MYT1L: variants seen among roughly 807,000 people sequenced by gnomAD.
MYT1L encodes myelin transcription factor 1 like.
A neutral mutation model predicts 126.7 loss-of-function variants in MYT1L; 12 were observed. That is an observed-to-expected ratio of 0.09 (90% confidence interval 0.06 to 0.15). The LOEUF is 0.15. MYT1L is among the 10% of genes least tolerant of loss of function. The probability of loss-of-function intolerance (pLI) is 1.00; values close to 1 mark genes in which losing one functional copy is unlikely to be tolerated. For missense variants in MYT1L, 979 were observed against 1,585.2 expected (o/e 0.62, Z 6.49); for synonymous variants, 541 against 604.2 (o/e 0.90, Z 1.53).
chr2:1,833,178 C>G (rs2040414325), intron 21 of MYT1L, among the ~76,000 whole-genome samples: 1 of 152,198 alleles, frequency 6.6e-6, no homozygotes. Flanking sequence ...GTGCCAGTGG[C>G]ATTGCATCTG....
intron 5 of MYT1L, among the ~76,000 whole-genome samples, chr2:1,984,664 C>T (rs983621573): frequency 6.6e-6 from 1 of 152,100 alleles, no homozygotes; most frequent in South Asian, 2.1e-4. Context: ...CGCCCGCCAC[C>T]ATGCCCGGCT....
At chr2:2,027,705 C>T (rs1415286453) in intron 4 of MYT1L, among the ~76,000 whole-genome samples, 4 of 152,158 alleles carry the variant, frequency 2.6e-5, no homozygotes, top group African/African-American at 9.7e-5. Context: ...GGTTTACATT[C>T]ATTAACTTAG....
intron 2 of MYT1L, among the ~76,000 whole-genome samples, chr2:2,269,677 T>C (rs2095222653): frequency 6.6e-6 from 1 of 152,188 alleles, no homozygotes; most frequent in Non-Finnish European, 1.5e-5. Context: ...CCTGGATTTG[T>C]GCTCCCCGGC....
chr2:1,949,868 A>T (rs1411475396), intron 8 of MYT1L, among the ~76,000 whole-genome samples: 1 of 152,144 alleles, frequency 6.6e-6, no homozygotes, highest in African/African-American at 2.4e-5. Context: ...TCTTTTAGAG[A>T]TGGTATTTTT....
intron 2 of MYT1L, among the ~76,000 whole-genome samples, chr2:2,207,303 T>C (rs1327837064): frequency 6.6e-6 from 1 of 152,148 alleles, no homozygotes; most frequent in African/African-American, 2.4e-5. Flanking sequence ...AAAACACACA[T>C]ATAATGCGCA....
intron 2 of MYT1L, among the ~76,000 whole-genome samples, chr2:2,184,787 A>T (rs1379507826): frequency 1.3e-5 from 2 of 152,124 alleles, no homozygotes; most frequent in Admixed American, 1.3e-4. Flanking sequence ...CTCATCCGTC[A>T]GCTTCAGTTG....
At chr2:2,135,924 C>T (rs2082991590) in intron 3 of MYT1L, among the ~76,000 whole-genome samples, 1 of 152,168 alleles carries the variant, frequency 6.6e-6, no homozygotes, top group Non-Finnish European at 1.5e-5. Context: ...CACATGCACA[C>T]ATATGTTTAC....
At chr2:2,037,688 G>A (rs148049058) in intron 4 of MYT1L, among the ~76,000 whole-genome samples, 3,196 of 151,632 alleles carry the variant, frequency 0.021, 63 homozygotes, top group South Asian at 0.089. Context: ...CCCGGGAGGT[G>A]GAGGTTGCAG....
At chr2:2,055,802 T>C (rs1200167042) in intron 3 of MYT1L, among the ~76,000 whole-genome samples, 1 of 152,264 alleles carries the variant, frequency 6.6e-6, no homozygotes, top group Non-Finnish European at 1.5e-5. Context: ...ATTTACACAA[T>C]GACTTACTCT....
At chr2:2,056,667 A>G (rs2150121850) in intron 3 of MYT1L, among the ~76,000 whole-genome samples, 1 of 152,344 alleles carries the variant, frequency 6.6e-6, no homozygotes, top group African/African-American at 2.4e-5. Context: ...GGCTGCTCAC[A>G]GTTCCCTGTC....
intron 1 of MYT1L, among the ~76,000 whole-genome samples, chr2:2,288,901 C>T (rs892588794): frequency 1.3e-4 from 20 of 152,264 alleles, no homozygotes; most frequent in African/African-American, 4.3e-4. Context: ...TTCTTCAAAT[C>T]GATAGCTTCT....
At chr2:2,232,293 C>G (rs1237469406) in intron 2 of MYT1L, among the ~76,000 whole-genome samples, 2 of 152,206 alleles carry the variant, frequency 1.3e-5, no homozygotes, top group Non-Finnish European at 2.9e-5. Flanking sequence ...TGCCCTCCAG[C>G]CGGGAGGCTT....
At chr2:2,075,699 A>G (rs2075143098) in intron 3 of MYT1L, among the ~76,000 whole-genome samples, 1 of 152,276 alleles carries the variant, frequency 6.6e-6, no homozygotes, top group South Asian at 2.1e-4. Flanking sequence ...ACATTGTTAA[A>G]AATCATGAAA....
chr2:2,119,297 C>T (rs1427123361), intron 3 of MYT1L, among the ~76,000 whole-genome samples: 4 of 152,126 alleles, frequency 2.6e-5, no homozygotes, highest in Admixed American at 1.3e-4. Flanking sequence ...CTTTTACCTA[C>T]ATAAATAGGC....
intron 9 of MYT1L, among the ~76,000 whole-genome samples, chr2:1,938,178 G>A (rs2056228325): frequency 6.6e-6 from 1 of 152,212 alleles, no homozygotes; most frequent in Admixed American, 6.5e-5. Context: ...AAGATGCAAT[G>A]TCTGCTATAA....
At chr2:2,103,021 G>C (rs764059740) in intron 3 of MYT1L, among the ~76,000 whole-genome samples, 2 of 152,074 alleles carry the variant, frequency 1.3e-5, no homozygotes, top group Non-Finnish European at 2.9e-5. Flanking sequence ...TGTATTTAGC[G>C]CTAATTGAGA....
chr2:1,805,687 A>G (rs2035586654), intron 22 of MYT1L, among the ~76,000 whole-genome samples: 1 of 152,194 alleles, frequency 6.6e-6, no homozygotes, highest in Non-Finnish European at 1.5e-5. Context: ...GGAGTTTGAG[A>G]GCAGCCTGGG....
At chr2:1,970,109 A>G (rs902025755) in intron 8 of MYT1L, among the ~76,000 whole-genome samples, 3 of 152,196 alleles carry the variant, frequency 2.0e-5, no homozygotes, top group Non-Finnish European at 4.4e-5. Context: ...TTTGGGGTCT[A>G]ACCCTGAAAG....
chr2:2,060,226 G>A (rs777463135), intron 3 of MYT1L, among the ~76,000 whole-genome samples: 4 of 152,108 alleles, frequency 2.6e-5, no homozygotes, highest in African/African-American at 4.8e-5. Context: ...AGGAACTTAG[G>A]CCATTTCCTC....
Sources: allele counts gnomAD v4.1 joint callset (sites outside exome capture counted in the v4.1 genomes callset), GRCh38; gene constraint gnomAD v4.1.1; transcripts MANE v1.5; gene names NCBI Gene and HGNC (gene_info 2026-07-23, HGNC 2026-07-21).